CDH4: variants seen among roughly 807,000 people sequenced by gnomAD.
CDH4 encodes cadherin 4, also known as cadherin-4.
In CDH4, 33 loss-of-function variants were observed where a neutral mutation model predicts 86.0. The ratio of observed to expected loss-of-function variants is 0.38; its 90% CI spans 0.29 to 0.51. The LOEUF is 0.51. Ranked by LOEUF, CDH4 falls within the 20% of genes least tolerant of loss-of-function variation. The pLI is 0.86. For missense variants in CDH4, 1,114 were observed against 1,307.4 expected (o/e 0.85, Z 2.28); for synonymous variants, 555 against 549.4 (o/e 1.01, Z -0.14).
In CDH4 at chr20:61,859,377, C is replaced by T. The variant is rs185906088; in HGVS notation, c.877+6479C>T. ...TTCCATCCTCCCCCCAGGGTCTTTG[C>T]GAGCGAAAGTGTTTAATTTGGAGGA... is the stretch of plus-strand genomic sequence containing the variant. On this transcript the variant is annotated intron_variant, in intron 6 of 15. Coordinates refer to ENST00000614565, the MANE Select transcript of CDH4 (RefSeq NM_001794.5). 2.8e-4 allele frequency among the ~76,000 whole-genome samples: 43 copies of T among 152,266 alleles called. 1 individual carries two copies. The highest frequency in any genetic ancestry group is 1.0e-3 in the African/African-American group (42 of 41,546).
Position 61,731,890 on chromosome 20 carries a change from C to G in CDH4, c.170-11673C>G, listed in dbSNP as rs1052081232. The stretch of plus-strand genomic sequence containing the variant: ...GATGCCTCTACTGGAGGGTGTGTCC[C>G]CTGGGATGAGCAACATCAGAACCCA... On this transcript the variant is annotated intron_variant, in intron 2 of 15. Transcript: ENST00000614565. Among the ~76,000 whole-genome samples, 65 of 152,288 alleles carry G rather than the reference C, an allele frequency of 4.3e-4. 1 individual carries two copies. Among genetic ancestry groups the G allele is most frequent in the South Asian group, 6.2e-4 (3 of 4,814 alleles).
At chr20:61,778,489 A>AAT (rs1174148079) in intron 4 of CDH4, among the ~76,000 whole-genome samples, 5 of 152,112 alleles carry the variant, frequency 3.3e-5, no homozygotes, top group Non-Finnish European at 5.9e-5. Context: ...CGCAGAGGGA[A>AAT]ATAGGTAACC....
intron 2 of CDH4, among the ~76,000 whole-genome samples, chr20:61,581,740 G>A (rs967693027): frequency 1.3e-5 from 2 of 152,214 alleles, no homozygotes; most frequent in African/African-American, 2.4e-5. Flanking sequence ...GTCTTTGGCT[G>A]TCTGAGCTGT....
chr20:61,885,868 G>A (rs928897437), intron 7 of CDH4, among the ~76,000 whole-genome samples: 13 of 152,242 alleles, frequency 8.5e-5, no homozygotes, highest in Admixed American at 2.6e-4. Flanking sequence ...CTTCCAAGGG[G>A]ATGGAGGTTC....
Position 61,516,091 on chromosome 20 carries a change from G to T in CDH4, c.170-227472G>T, listed in dbSNP as rs559447350. Among the ~76,000 whole-genome samples the T allele has an allele frequency of 6.6e-6, 1 of 152,154 alleles. No individual in the cohort carries two copies. ...GGCAGCTCCCTCACCACAGGGGCTC[G>T]CCTCGTGCTCTGCGTTGCACTGGCA... is the stretch of plus-strand genomic sequence containing the variant. On this transcript the variant is annotated intron_variant, in intron 2 of 15. Transcript: ENST00000614565. The surrounding 1 kb of genome is among the most constrained non-coding windows in gnomAD (Gnocchi z 4.0).
chr20:61,871,711 G>A (rs1233376514), intron 6 of CDH4, among the ~76,000 whole-genome samples: 2 of 152,122 alleles, frequency 1.3e-5, no homozygotes, highest in Non-Finnish European at 2.9e-5. Context: ...ATCGGGGTGG[G>A]GTCCCTAGTT....
At chr20:61,602,176 C>G (rs2427172) in intron 2 of CDH4, among the ~76,000 whole-genome samples, 5 of 152,140 alleles carry the variant, frequency 3.3e-5, no homozygotes, top group African/African-American at 1.2e-4. Context: ...GGGTGTCCAG[C>G]TGAGCCCTCC....
Position 61,562,118 on chromosome 20 carries a change from G to A in CDH4, c.170-181445G>A, listed in dbSNP as rs546062981. On this transcript the variant is annotated intron_variant, in intron 2 of 15. Coordinates refer to ENST00000614565, the MANE Select transcript of CDH4 (RefSeq NM_001794.5). ...TGGACCCCAGGGCTCCCGGAGAGAG[G>A]GACCTCCGTGTGGAGAGGTGGACCC... Among the ~76,000 whole-genome samples, 400 of 120,208 alleles carry A rather than the reference G, an allele frequency of 3.3e-3. 1 individual carries two copies. Among genetic ancestry groups the A allele is most frequent in the Non-Finnish European group, 4.4e-3 (260 of 58,658 alleles). The allele number at this position is 120,208 out of a possible 152,430, so 78.9% of individuals were successfully genotyped here. A position where few individuals can be genotyped will look rare whatever the true frequency, so the allele number is the denominator to read the frequency against.
rs1340988582 is a variant in CDH4, at chr20:61,737,398, C to T, written c.170-6165C>T. Among the ~76,000 whole-genome samples, 3 of 152,212 alleles carry T rather than the reference C, an allele frequency of 2.0e-5. No homozygotes were observed. In the East Asian group the frequency reaches 5.8e-4, roughly 30 times the overall value. On this transcript the variant is annotated intron_variant, in intron 2 of 15. Coordinates refer to ENST00000614565, the MANE Select transcript of CDH4 (RefSeq NM_001794.5). ...CCCAGCAGAACAAGAGATGGATCCCCACAGGCTCAGAATCCCAAGAGCCAG... is the reference window on the plus strand; with the variant it reads ...CCCAGCAGAACAAGAGATGGATCCCTACAGGCTCAGAATCCCAAGAGCCAG...
At chr20:61,777,986 A>G (rs542872952) in intron 4 of CDH4, among the ~76,000 whole-genome samples, 29 of 151,430 alleles carry the variant, frequency 1.9e-4, no homozygotes, top group African/African-American at 7.0e-4. Context: ...ATCCACATGC[A>G]CACACACGTG....
intron 8 of CDH4, among the ~76,000 whole-genome samples, chr20:61,903,995 T>C (rs1459216586): frequency 6.6e-6 from 1 of 152,166 alleles, no homozygotes; most frequent in Non-Finnish European, 1.5e-5. Flanking sequence ...GCGTTTCTGC[T>C]CTTGCAAATG....
At chr20:61,418,231 G>T (rs1485123026) in intron 2 of CDH4, among the ~76,000 whole-genome samples, 11 of 137,804 alleles carry the variant, frequency 8.0e-5, no homozygotes, top group Non-Finnish European at 1.4e-4. Context: ...TTTTCCCTGA[G>T]ACAGAGTCTC....
chr20:61,324,415 T>G (rs2084526124), intron 2 of CDH4, among the ~76,000 whole-genome samples: 1 of 152,206 alleles, frequency 6.6e-6, no homozygotes, highest in South Asian at 2.1e-4. Context: ...CAGAGAGCCA[T>G]GCTCCCTCCG....
intron 9 of CDH4, among the ~76,000 whole-genome samples, chr20:61,919,375 T>C (rs536265928): frequency 6.4e-4 from 97 of 152,160 alleles, no homozygotes; most frequent in African/African-American, 2.3e-3. Context: ...GCCCCAAGCA[T>C]GGGGAGTGGG....
In CDH4 at chr20:61,754,838, T is replaced by C. The variant is rs576077349; in HGVS notation, c.396+11049T>C. Among the ~76,000 whole-genome samples the C allele has an allele frequency of 2.3e-5, 3 of 132,316 alleles. No individual in the cohort carries two copies. Among genetic ancestry groups the C allele is most frequent in the African/African-American group, 8.6e-5 (3 of 34,912 alleles). The allele number at this position is 132,316 out of a possible 152,430, so 86.8% of individuals were successfully genotyped here. On this transcript the variant is annotated intron_variant, in intron 3 of 15. Coordinates refer to ENST00000614565, the MANE Select transcript of CDH4 (RefSeq NM_001794.5). This position sits in a 1 kb window ranked among gnomAD's most constrained non-coding sequence, Gnocchi z 4.7. ...CGATGCATGCCACACACCACACACA[T>C]GCCCCACACACACCACACAGTGCAC...
intron 2 of CDH4, among the ~76,000 whole-genome samples, chr20:61,447,786 AT>A (rs1159107715): frequency 6.6e-6 from 1 of 151,916 alleles, no homozygotes; most frequent in Non-Finnish European, 1.5e-5. Context: ...TTCAAACTCT[AT>A]TTTTATTTGC....
intron 2 of CDH4, among the ~76,000 whole-genome samples, chr20:61,385,365 G>C (rs996622890): frequency 4.6e-5 from 7 of 152,062 alleles, no homozygotes; most frequent in African/African-American, 1.7e-4. Flanking sequence ...TCCCTTCCAA[G>C]ACCATGAGAT....
chr20:61,532,803 T>A (rs1356233855), intron 2 of CDH4, among the ~76,000 whole-genome samples: 3 of 152,106 alleles, frequency 2.0e-5, no homozygotes, highest in Non-Finnish European at 4.4e-5. Flanking sequence ...GTGATGAGTT[T>A]TCTGTGTCCC....
In CDH4 at chr20:61,637,888, G is replaced by T. The variant is rs548463498; in HGVS notation, c.170-105675G>T. 2.0e-5 allele frequency among the ~76,000 whole-genome samples: 3 copies of T among 152,268 alleles called. No homozygotes were observed. The South Asian group carries it at 6.2e-4, about 32-fold the overall frequency. On this transcript the variant is annotated intron_variant, in intron 2 of 15. Coordinates refer to ENST00000614565, the MANE Select transcript of CDH4 (RefSeq NM_001794.5). ...ATCCAAAAATTAGCCGGACATGGTG[G>T]TGGGTGCCTGAAAGCCCAGCTATTT...
Sources: gnomAD v4.1 joint callset for allele counts (sites outside exome capture counted in the v4.1 genomes callset) on GRCh38, gnomAD v4.1.1 for gene constraint, Gnocchi (gnomAD v3.1) non-coding constraint, MANE v1.5 for transcripts, NCBI Gene and HGNC (gene_info 2026-07-23, HGNC 2026-07-21) for gene names.